The following KIAA0513 variants were observed in gnomAD, a reference collection of about 807,000 sequenced individuals.
KIAA0513 encodes KIAA0513, also known as uncharacterized protein KIAA0513.
Under a neutral mutation model 56.5 loss-of-function variants are expected in KIAA0513, and 39 were observed. The observed-to-expected ratio is 0.69, with a 90% CI of 0.53 to 0.90. The LOEUF (loss-of-function observed/expected upper bound fraction) is 0.90. Ranked by LOEUF, KIAA0513 falls within the 40% of genes least tolerant of loss-of-function variation. The pLI, the probability that KIAA0513 is intolerant of heterozygous loss-of-function variation, is 0.00. For synonymous variants in KIAA0513, 268 were observed against 215.6 expected (o/e 1.24, Z -2.13); for missense variants, 591 against 535.2 (o/e 1.10, Z -1.03).
intron 11 of KIAA0513, 95 bp from the exon 12 acceptor site, chr16:85,086,977 C>A: frequency 8.4e-7 from 1 of 1,184,728 alleles, no homozygotes; most frequent in South Asian, 1.3e-5. Flanking sequence ...CAATTCCAGG[C>A]AGGCCATGGT....
At chr16:85,033,820 A>G (rs1275292391) in intron 1 of KIAA0513, among the ~76,000 whole-genome samples, 1 of 152,222 alleles carries the variant, frequency 6.6e-6, no homozygotes, top group Admixed American at 6.5e-5. Flanking sequence ...TAATATGTGC[A>G]GATGGTACCA....
intron 4 of KIAA0513, among the ~76,000 whole-genome samples, chr16:85,074,909 C>T (rs1311353529): frequency 6.6e-6 from 1 of 151,860 alleles, no homozygotes; most frequent in African/African-American, 2.4e-5. Flanking sequence ...AGTAATTCTC[C>T]ATTTTCCTTT....
intron 1 of KIAA0513, among the ~76,000 whole-genome samples, chr16:85,052,663 A>G (rs746754755): frequency 2.6e-5 from 4 of 152,188 alleles, no homozygotes; most frequent in Non-Finnish European, 5.9e-5. Flanking sequence ...CTCCTGAGGC[A>G]TGGAATTGAA....
At chr16:85,072,847 G>T in intron 3 of KIAA0513, 78 bp from the exon 4 acceptor site, 1 of 1,384,732 alleles carries the variant, frequency 7.2e-7, no homozygotes, top group South Asian at 1.2e-5. Flanking sequence ...AACACTGAGA[G>T]TGCAAAGCCT....
chr16:85,040,665 CCTT>C (rs1173037479), intron 1 of KIAA0513, among the ~76,000 whole-genome samples: 1 of 152,170 alleles, frequency 6.6e-6, no homozygotes, highest in African/African-American at 2.4e-5. Flanking sequence ...CTTTTCATTC[CCTT>C]CTCTCTGTTC....
chr16:85,062,423 G>A (rs1369707616), intron 1 of KIAA0513, among the ~76,000 whole-genome samples: 2 of 152,174 alleles, frequency 1.3e-5, no homozygotes, highest in African/African-American at 2.4e-5. Flanking sequence ...TGGGGCCTAC[G>A]ATGCGAATTG....
intron 2 of KIAA0513, 106 bp downstream of exon 2, chr16:85,067,506 G>T: frequency 1.1e-6 from 1 of 883,962 alleles, no homozygotes; most frequent in South Asian, 1.7e-5. Flanking sequence ...CCTGGGACCA[G>T]AGCTTCCATT....
intron 4 of KIAA0513, 131 bp downstream of exon 4, chr16:85,073,129 C>G (rs1034954381): frequency 6.4e-6 from 5 of 780,694 alleles, no homozygotes; most frequent in Non-Finnish European, 9.0e-6. Flanking sequence ...TGCAGTTGCT[C>G]TGCTACGCCC....
At chr16:85,078,884 G>A (rs1206160972) in intron 7 of KIAA0513, 41 bp from the exon 8 acceptor site, 15 of 1,610,618 alleles carry the variant, frequency 9.3e-6, no homozygotes, top group Admixed American at 1.7e-5. Context: ...CAGTGGGTGC[G>A]CAACCAGAGC....
chr16:85,082,740 G>A (rs1597646489), intron 10 of KIAA0513, 147 bp downstream of exon 10: 1 of 780,906 alleles, frequency 1.3e-6, no homozygotes, highest in Non-Finnish European at 2.1e-6. Context: ...GGGGAGGGCG[G>A]CCCTGGGGAG....
intron 1 of KIAA0513, among the ~76,000 whole-genome samples, chr16:85,056,872 G>T (rs116034195): frequency 0.03 from 4,634 of 152,050 alleles, 215 homozygotes; most frequent in African/African-American, 0.11. Flanking sequence ...GGCTAATTAT[G>T]TTTTAAATAT....
chr16:85,089,234 G>C lies in KIAA0513; in HGVS notation c.*909G>C, dbSNP rs1221854434. Reference sequence around the variant, plus strand: ...ACCACCCTTTCTGAAAGCAAACAGTGCTGCTCTTTATTCCAGACAAGGCAG... The same window carrying C: ...ACCACCCTTTCTGAAAGCAAACAGTCCTGCTCTTTATTCCAGACAAGGCAG... On this transcript the variant is annotated 3_prime_UTR_variant, in exon 13 of 13. Coordinates refer to ENST00000683363, the MANE Select transcript of KIAA0513 (RefSeq NM_001388359.1). This position sits in a 1 kb window ranked among gnomAD's most constrained non-coding sequence, Gnocchi z 4.2. 6.6e-6 allele frequency: 1 copy of C among 152,336 alleles called. No homozygotes were observed. Among genetic ancestry groups the C allele is most frequent in the Non-Finnish European group, 1.5e-5 (1 of 68,108 alleles). The allele number at this position is 152,336 out of a possible 1,614,324, so 9.4% of individuals were successfully genotyped here. A position where few individuals can be genotyped will look rare whatever the true frequency, so the allele number is the denominator to read the frequency against.
At chr16:85,072,848 T>G (rs927214877) in intron 3 of KIAA0513, 77 bp from the exon 4 acceptor site, 2 of 1,389,462 alleles carry the variant, frequency 1.4e-6, no homozygotes, top group Non-Finnish European at 1.0e-6. Flanking sequence ...ACACTGAGAG[T>G]GCAAAGCCTG....
At chr16:85,082,121 T>G (rs2073752685) in intron 9 of KIAA0513, among the ~76,000 whole-genome samples, 1 of 152,104 alleles carries the variant, frequency 6.6e-6, no homozygotes, top group Non-Finnish European at 1.5e-5. Context: ...GTCAGGAGAG[T>G]GGGCAGATGG....
intron 2 of KIAA0513, among the ~76,000 whole-genome samples, chr16:85,070,764 T>A (rs142498582): frequency 6.6e-6 from 1 of 152,364 alleles, no homozygotes; most frequent in African/African-American, 2.4e-5. Flanking sequence ...CTCGTTTTGT[T>A]TGACCAACAC....
At position 85,081,691 on chromosome 16, in the gene KIAA0513, G is replaced by A. The variant is rs936202456; in HGVS notation, c.980+299G>A. ...GGACCCCTGCTGCTGGGCCCACCCT[G>A]CTGTTTGCTGGACAAAATCAGCATC... On this transcript the variant is annotated intron_variant, in intron 9 of 12. Coordinates refer to ENST00000683363, the MANE Select transcript of KIAA0513 (RefSeq NM_001388359.1). This position sits in a 1 kb window ranked among gnomAD's most constrained non-coding sequence, Gnocchi z 4.4. Among the ~76,000 whole-genome samples, 1 of 152,174 alleles carries A rather than the reference G, an allele frequency of 6.6e-6. No homozygotes were observed. Among genetic ancestry groups the A allele is most frequent in the African/African-American group, 2.4e-5 (1 of 41,450 alleles).
intron 1 of KIAA0513, among the ~76,000 whole-genome samples, chr16:85,052,933 C>T (rs1406334773): frequency 6.6e-6 from 1 of 152,138 alleles, no homozygotes; most frequent in African/African-American, 2.4e-5. Flanking sequence ...CTCTGTCACC[C>T]AGGCTGGAGT....
intron 1 of KIAA0513, among the ~76,000 whole-genome samples, chr16:85,064,136 T>C (rs1487665218): frequency 6.6e-6 from 1 of 151,522 alleles, no homozygotes. Context: ...CTCCCGAGTG[T>C]TTAGGATTAC....
In KIAA0513 at chr16:85,087,175, G is replaced by A. The variant is rs752391216; in HGVS notation, c.1186+9G>A. On this transcript the variant is annotated intron_variant, in intron 12 of 12. Coordinates refer to ENST00000683363, the MANE Select transcript of KIAA0513 (RefSeq NM_001388359.1). ...TGGCAACCTGGATGAAGGTGCGTCT[G>A]GGGGAGGCTGCTGGCAGGAGGCGGG... 1.9e-6 allele frequency: 3 copies of A among 1,611,076 alleles called. No individual in the cohort carries two copies. The highest frequency in any genetic ancestry group is 2.5e-6 in the Non-Finnish European group (3 of 1,177,240).
Sources: allele counts gnomAD v4.1 joint callset (sites outside exome capture counted in the v4.1 genomes callset), GRCh38; gene constraint gnomAD v4.1.1; non-coding constraint Gnocchi (gnomAD v3.1); transcripts MANE v1.5; gene names NCBI Gene and HGNC (gene_info 2026-07-23, HGNC 2026-07-21).